The following CNTNAP2 variants were observed in gnomAD, a reference collection of about 807,000 sequenced individuals.
CNTNAP2 encodes contactin associated protein 2.
CNTNAP2 carries 98 observed loss-of-function variants against 155.2 expected under a neutral mutation model. That is an observed-to-expected ratio of 0.63 (90% confidence interval 0.54 to 0.75). The LOEUF (loss-of-function observed/expected upper bound fraction) is 0.75. Ranked by LOEUF, CNTNAP2 falls within the 30% of genes least tolerant of loss-of-function variation. CNTNAP2 has a pLI of 0.00. For synonymous variants in CNTNAP2, 651 were observed against 631.2 expected (o/e 1.03, Z -0.47); for missense variants, 1,727 against 1,688.1 (o/e 1.02, Z -0.40).
At chr7:146,347,328 A>G (rs1794834733) in intron 1 of CNTNAP2, among the ~76,000 whole-genome samples, 1 of 152,094 alleles carries the variant, frequency 6.6e-6, no homozygotes, top group Non-Finnish European at 1.5e-5. Flanking sequence ...ATCAATGTGA[A>G]TCAGTCTCAC....
chr7:147,100,869 A>G (rs1027108994), intron 4 of CNTNAP2, among the ~76,000 whole-genome samples: 5 of 152,230 alleles, frequency 3.3e-5, no homozygotes, highest in Admixed American at 6.5e-5. Context: ...TCAAGTCCAC[A>G]GGAAAAATCA....
At chr7:146,329,064 A>C (rs1801140348) in intron 1 of CNTNAP2, among the ~76,000 whole-genome samples, 1 of 152,206 alleles carries the variant, frequency 6.6e-6, no homozygotes, top group African/African-American at 2.4e-5. Flanking sequence ...TAGGATTGCT[A>C]GACCATATGG....
chr7:147,170,155 C>T (rs926378201), intron 8 of CNTNAP2, among the ~76,000 whole-genome samples: 1 of 152,116 alleles, frequency 6.6e-6, no homozygotes, highest in Non-Finnish European at 1.5e-5. Flanking sequence ...ACACAAGACT[C>T]TGTGCAGGGG....
At chr7:146,779,745 T>C (rs1158464690) in intron 2 of CNTNAP2, among the ~76,000 whole-genome samples, 2 of 152,236 alleles carry the variant, frequency 1.3e-5, no homozygotes, top group African/African-American at 4.8e-5. Context: ...ATTTTAAGAA[T>C]GCGTCATCTT....
At chr7:146,419,626 T>C (rs1639509) in intron 1 of CNTNAP2, among the ~76,000 whole-genome samples, 7 of 152,128 alleles carry the variant, frequency 4.6e-5, no homozygotes, top group Admixed American at 1.3e-4. Context: ...ATAGACATTT[T>C]TCAAAAGAAG....
intron 5 of CNTNAP2, among the ~76,000 whole-genome samples, chr7:147,109,917 A>G (rs1050830445): frequency 2.0e-5 from 3 of 151,052 alleles, no homozygotes; most frequent in Admixed American, 6.6e-5. Flanking sequence ...TTATTTATTT[A>G]TTTATTTATT....
intron 1 of CNTNAP2, among the ~76,000 whole-genome samples, chr7:146,171,299 A>G (rs1449553919): frequency 6.6e-6 from 1 of 152,156 alleles, no homozygotes; most frequent in Non-Finnish European, 1.5e-5. Context: ...TTAGGTAATT[A>G]TTGCGTTTGG....
At chr7:147,366,885 G>T (rs145214622) in intron 9 of CNTNAP2, among the ~76,000 whole-genome samples, 78 of 151,388 alleles carry the variant, frequency 5.2e-4, no homozygotes, top group South Asian at 2.1e-4. Flanking sequence ...TTAGAGACTC[G>T]CAATATAATT....
At position 147,044,068 on chromosome 7, in the gene CNTNAP2, T is replaced by C. The variant is rs1426307809; in HGVS notation, c.550+14T>C. The C allele has an allele frequency of 1.2e-6, 2 of 1,613,900 alleles. No individual in the cohort carries two copies. The highest frequency in any genetic ancestry group is 1.3e-5 in the African/African-American group (1 of 74,932). ...GCTGTTCTTACTGTGAGTATCGTAT[T>C]GTTTAAATTTGTGGCAGGTTTTATC... is the stretch of plus-strand genomic sequence containing the variant. On this transcript the variant is annotated intron_variant, in intron 4 of 23. Coordinates refer to ENST00000361727, the MANE Select transcript of CNTNAP2 (RefSeq NM_014141.6).
chr7:146,649,431 A>T (rs1799868405), intron 1 of CNTNAP2, among the ~76,000 whole-genome samples: 1 of 152,160 alleles, frequency 6.6e-6, no homozygotes, highest in South Asian at 2.1e-4. Flanking sequence ...TTCATGATAA[A>T]TGCTAGAGGA....
chr7:146,462,038 C>A (rs1796644990), intron 1 of CNTNAP2, among the ~76,000 whole-genome samples: 1 of 152,084 alleles, frequency 6.6e-6, no homozygotes, highest in Admixed American at 6.5e-5. Context: ...TAGAGTTTTT[C>A]ATTGAAGAAA....
rs1796654852 is a variant in CNTNAP2 at position 148,265,626 on chromosome 7, C to G, written c.3382-1407C>G. ...TATAGAAAACTTTTCAAAATGATAG[C>G]CAAGCATGCAAATGTTTACTTTAAT... is the stretch of plus-strand genomic sequence containing the variant. On this transcript the variant is annotated intron_variant, in intron 20 of 23. Transcript: ENST00000361727. 8.5e-5 allele frequency among the ~76,000 whole-genome samples: 13 copies of G among 152,230 alleles called. No individual in the cohort carries two copies. In the South Asian group the frequency reaches 2.7e-3, roughly 32 times the overall value.
At chr7:147,520,306 A>G (rs553141099) in intron 11 of CNTNAP2, among the ~76,000 whole-genome samples, 1 of 152,246 alleles carries the variant, frequency 6.6e-6, no homozygotes, top group Admixed American at 6.5e-5. Context: ...ATCTACAGGA[A>G]TAAGTTACAT....
At chr7:147,048,418 G>C (rs922544025) in intron 4 of CNTNAP2, among the ~76,000 whole-genome samples, 10 of 152,272 alleles carry the variant, frequency 6.6e-5, no homozygotes, top group Non-Finnish European at 1.2e-4. Context: ...TTCACTCAGT[G>C]ATGCTGCTTT....
chr7:147,800,840 A>G lies in CNTNAP2; in HGVS notation c.2099-102725A>G, dbSNP rs929683624. Among the ~76,000 whole-genome samples, 8 of 152,336 alleles carry G rather than the reference A, an allele frequency of 5.3e-5. No individual in the cohort carries two copies. The South Asian group carries it at 1.2e-3, about 24-fold the overall frequency. ...GTACTTTTTCTATGTTTAGATATAC[A>G]CATAGTTACTATTTTACCATTGTGT... On this transcript the variant is annotated intron_variant, in intron 13 of 23. Coordinates refer to ENST00000361727, the MANE Select transcript of CNTNAP2 (RefSeq NM_014141.6).
intron 15 of CNTNAP2, among the ~76,000 whole-genome samples, chr7:148,095,314 G>A (rs1403246261): frequency 1.3e-5 from 2 of 152,230 alleles, no homozygotes; most frequent in African/African-American, 4.8e-5. Context: ...TCAGTCAGGA[G>A]CGAGGATTCC....
chr7:148,217,280 T>C lies in CNTNAP2; in HGVS notation c.3011-8T>C, dbSNP rs1355619580. On this transcript the variant is annotated splice_polypyrimidine_tract_variant and splice_region_variant and intron_variant, in intron 18 of 23. Coordinates refer to ENST00000361727, the MANE Select transcript of CNTNAP2 (RefSeq NM_014141.6). ...TCATTTTTCAATTCTCTCTCTCCTT[T>C]ATAACAGATGTTGGTGCATTTTTTG... 6.2e-7 allele frequency: 1 copy of C among 1,613,942 alleles called. No individual in the cohort carries two copies. Among genetic ancestry groups the C allele is most frequent in the South Asian group, 1.1e-5 (1 of 91,072 alleles).
chr7:148,314,545 G>A (rs6975494), intron 21 of CNTNAP2, among the ~76,000 whole-genome samples: 48,838 of 151,846 alleles, frequency 0.32, 8,563 homozygotes, highest in East Asian at 0.5. Context: ...TGCCCATAGT[G>A]AAGGAGGCAA....
At chr7:148,113,028 A>T (rs1054237112) in intron 15 of CNTNAP2, among the ~76,000 whole-genome samples, 2 of 152,164 alleles carry the variant, frequency 1.3e-5, no homozygotes, top group African/African-American at 4.8e-5. Context: ...TAGAAACAAA[A>T]ATTAGGTTGA....
Sources: allele counts gnomAD v4.1 joint callset (sites outside exome capture counted in the v4.1 genomes callset), GRCh38; gene constraint gnomAD v4.1.1; transcripts MANE v1.5; gene names NCBI Gene and HGNC (gene_info 2026-07-23, HGNC 2026-07-21).